SNED1: variants seen among roughly 807,000 people sequenced by gnomAD.
SNED1 encodes sushi, nidogen and EGF like domains 1, also known as sushi, nidogen and EGF-like domain-containing protein 1.
SNED1 carries 81 observed loss-of-function variants against 166.7 expected under a neutral mutation model. The ratio of observed to expected loss-of-function variants is 0.49; its 90% CI spans 0.41 to 0.58. The LOEUF is 0.58. Ranked by LOEUF, SNED1 falls within the 20% of genes least tolerant of loss-of-function variation. The probability of loss-of-function intolerance (pLI) is 0.00; values close to 1 mark genes in which losing one functional copy is unlikely to be tolerated. For synonymous variants in SNED1, 762 were observed against 822.0 expected, an observed-to-expected ratio of 0.93 and a Z score of 1.25; for missense variants, 1,604 against 2,000.2, an observed-to-expected ratio of 0.80 and a Z score of 3.78.
At chr2:241,088,846 G>A (rs759301581) in intron 31 of SNED1, 77 of 213,508 alleles carry the variant, frequency 3.6e-4, no homozygotes, top group Non-Finnish European at 6.6e-4. Context: ...GGCTGAGAGA[G>A]TGCCTCCCAG....
At chr2:241,090,038 A>G in intron 31 of SNED1, 1 of 1,545,364 alleles carries the variant, frequency 6.5e-7, no homozygotes, top group Non-Finnish European at 8.7e-7. Flanking sequence ...ACAATAATAA[A>G]TTAGTCCTGC....
chr2:241,024,652 C>CTTATTTTATTTTATT (rs371310534), intron 1 of SNED1, among the ~76,000 whole-genome samples: 14,385 of 139,522 alleles, frequency 0.1, 865 homozygotes, highest in South Asian at 0.13. Flanking sequence ...CTTATTTTAT[C>CTTATTTTATTTTATT]TTATTTTATT....
Position 240,999,024 on chromosome 2 carries a change from T to C in SNED1, c.187T>C (p.Phe63Leu), listed in dbSNP as rs1342277204. The C allele has an allele frequency of 1.1e-5, 15 of 1,322,996 alleles. No homozygotes were observed. The highest frequency in any genetic ancestry group is 1.5e-5 in the Non-Finnish European group (15 of 1,032,380). 82.0% of individuals were successfully genotyped at this position (1,322,996 alleles called of 1,614,324 possible). A position where few individuals can be genotyped will look rare whatever the true frequency, so the allele number is the denominator to read the frequency against. The stretch of plus-strand genomic sequence containing the variant: ...GCCGCTCTCGGTGCCCTTCCCGTTC[T>C]TCGGTGCCGAGCACTCCGGACTCTA... The part of the protein sequence containing the change: ...LRPLSVPFPF[F>L]GAEHSGLYVN... The change falls in exon 1 of 32, where the codon TTC becomes CTC. Residue 63 changes from phenylalanine to leucine, a missense_variant. Transcript: ENST00000310397. This position sits in a 1 kb window ranked among gnomAD's most constrained non-coding sequence, Gnocchi z 5.8.
chr2:241,004,766 A>G (rs1230767921), intron 1 of SNED1, among the ~76,000 whole-genome samples: 1 of 152,128 alleles, frequency 6.6e-6, no homozygotes, highest in African/African-American at 2.4e-5. Context: ...CTCTGTCGCC[A>G]GGTTGGAGTG....
At chr2:241,087,605 G>A in intron 30 of SNED1, 130 bp downstream of exon 30, 1 of 1,446,170 alleles carries the variant, frequency 6.9e-7, no homozygotes, top group Non-Finnish European at 9.1e-7. Context: ...CAGATAGGCA[G>A]CCCCTGGGCA....
intron 18 of SNED1, 90 bp downstream of exon 18, chr2:241,063,790 G>A: frequency 9.7e-7 from 1 of 1,034,616 alleles, no homozygotes; most frequent in Non-Finnish European, 1.4e-6. Context: ...TTCCCTGCTG[G>A]GCAGGCCACC....
intron 31 of SNED1, among the ~76,000 whole-genome samples, chr2:241,090,887 A>G (rs1000107414): frequency 5.9e-5 from 9 of 151,998 alleles, no homozygotes; most frequent in Non-Finnish European, 1.0e-4. Flanking sequence ...AAAAAAAAGA[A>G]AAAAGAATTC....
intron 24 of SNED1, among the ~76,000 whole-genome samples, 172 bp downstream of exon 24, chr2:241,070,373 A>T (rs1286566558): frequency 6.6e-6 from 1 of 152,248 alleles, no homozygotes; most frequent in Non-Finnish European, 1.5e-5. Flanking sequence ...TTTCAAACCC[A>T]CAAGGAAAGG....
intron 28 of SNED1, 74 bp downstream of exon 28, chr2:241,081,867 G>C (rs1184140575): frequency 8.5e-7 from 1 of 1,176,880 alleles, no homozygotes; most frequent in Non-Finnish European, 1.2e-6. Context: ...CTGGGCCACA[G>C]CTGGGTTTGC....
chr2:241,025,954 G>T (rs2060951121), intron 1 of SNED1, among the ~76,000 whole-genome samples: 2 of 141,354 alleles, frequency 1.4e-5, no homozygotes, highest in African/African-American at 2.6e-5. Flanking sequence ...TTGTCTCCTT[G>T]TCATTGATCT....
rs879808404 is a variant in SNED1 at position 241,052,521 on chromosome 2, G to A, written c.2083+53G>A. On this transcript the variant is annotated intron_variant, in intron 15 of 31. Transcript: ENST00000310397. ...GTACATGGGATACCAGTGCCAGGCA[G>A]GTGAGATGGCCAGGGCCCAAGCAGG... 8 of 1,391,246 alleles carry A rather than the reference G, an allele frequency of 5.8e-6. No homozygotes were observed. The South Asian group carries it at 8.3e-5, about 14-fold the overall frequency. The allele number at this position is 1,391,246 out of a possible 1,614,324, so 86.2% of individuals were successfully genotyped here. A position where few individuals can be genotyped will look rare whatever the true frequency, so the allele number is the denominator to read the frequency against.
At chr2:241,063,141 A>G (rs1422894124) in intron 17 of SNED1, among the ~76,000 whole-genome samples, 1 of 152,230 alleles carries the variant, frequency 6.6e-6, no homozygotes, top group Admixed American at 6.5e-5. Flanking sequence ...TTCAGGGCGC[A>G]GAGAAGGTGG....
Position 241,075,434 on chromosome 2 carries a change from T to A in SNED1, c.3916+2070T>A, listed in dbSNP as rs552876157. On this transcript the variant is annotated intron_variant, in intron 27 of 31. Coordinates refer to ENST00000310397, the MANE Select transcript of SNED1 (RefSeq NM_001080437.3). This position sits in a 1 kb window ranked among gnomAD's most constrained non-coding sequence, Gnocchi z 4.8. ...GCAGAACGGGTGGGATGCACACCCC[T>A]GGGATCTGGGTTTGCATCTCCTGGG... is the stretch of plus-strand genomic sequence containing the variant. 3.0e-4 allele frequency: 45 copies of A among 152,350 alleles called. No homozygotes were observed. Among genetic ancestry groups the A allele is most frequent in the African/African-American group, 1.0e-3 (43 of 41,582 alleles). The allele number at this position is 152,350 out of a possible 1,614,324, so 9.4% of individuals were successfully genotyped here.
At position 241,067,760 on chromosome 2, in the gene SNED1, C is replaced by A. The variant is rs2062523142; in HGVS notation, c.3011-4C>A. On this transcript the variant is annotated splice_polypyrimidine_tract_variant and splice_region_variant and intron_variant, in intron 21 of 31. Transcript: ENST00000310397. ...GCACCTGCTGAACAGTCCATTCCCC[C>A]TAGGACCCCGCCCTGTGGAAGGCTT... The A allele has an allele frequency of 1.9e-6, 3 of 1,602,096 alleles. No individual in the cohort carries two copies. Among genetic ancestry groups the A allele is most frequent in the Non-Finnish European group, 2.6e-6 (3 of 1,171,020 alleles).
intron 3 of SNED1, 25 bp from the exon 4 acceptor site, chr2:241,034,543 C>A (rs1465454381): frequency 2.0e-5 from 31 of 1,564,596 alleles, no homozygotes; most frequent in Non-Finnish European, 2.5e-5. Context: ...TGGCCTCCCT[C>A]ACTCTGCCCC....
At chr2:241,072,313 G>A (rs368313016) in intron 26 of SNED1, 24 of 428,600 alleles carry the variant, frequency 5.6e-5, no homozygotes, top group African/African-American at 2.2e-4. Flanking sequence ...AGATCTTCCC[G>A]GTGGCAGCAA....
In SNED1 at chr2:241,073,443, C is replaced by T. The variant is rs2062844574; in HGVS notation, c.3916+79C>T. On this transcript the variant is annotated intron_variant, in intron 27 of 31. Transcript: ENST00000310397. The surrounding 1 kb of genome is among the most constrained non-coding windows in gnomAD (Gnocchi z 6.6). ...CCTTAGAGGCTGCAGGCAGGAGGGACCACCCACGGTGAGGAATCAGGAGGC... is the reference window on the plus strand; with the variant it reads ...CCTTAGAGGCTGCAGGCAGGAGGGATCACCCACGGTGAGGAATCAGGAGGC... 2 of 1,183,498 alleles carry T rather than the reference C, an allele frequency of 1.7e-6. No homozygotes were observed. The highest frequency in any genetic ancestry group is 2.5e-6 in the Non-Finnish European group (2 of 812,204). 73.3% of individuals were successfully genotyped at this position (1,183,498 alleles called of 1,614,324 possible).
Position 241,068,860 on chromosome 2 carries a change from C to A in SNED1, c.3195-51C>A. 1 of 1,311,474 alleles carries A rather than the reference C, an allele frequency of 7.6e-7. No homozygotes were observed. The highest frequency in any genetic ancestry group is 1.1e-6 in the Non-Finnish European group (1 of 942,074). The allele number at this position is 1,311,474 out of a possible 1,614,324, so 81.2% of individuals were successfully genotyped here. A position where few individuals can be genotyped will look rare whatever the true frequency, so the allele number is the denominator to read the frequency against. On this transcript the variant is annotated intron_variant, in intron 22 of 31. Coordinates refer to ENST00000310397, the MANE Select transcript of SNED1 (RefSeq NM_001080437.3). This position sits in a 1 kb window ranked among gnomAD's most constrained non-coding sequence, Gnocchi z 5.3. Reference sequence around the variant, plus strand: ...GAGCTGCGGTCTGGCAGCAGAGTCACACACAGGTCCCAGACATCCCTGTTC... The same window carrying A: ...GAGCTGCGGTCTGGCAGCAGAGTCAAACACAGGTCCCAGACATCCCTGTTC...
At chr2:241,043,467 A>C (rs2061567941) in intron 8 of SNED1, among the ~76,000 whole-genome samples, 1 of 152,226 alleles carries the variant, frequency 6.6e-6, no homozygotes, top group Admixed American at 6.5e-5. Flanking sequence ...ACAAAAATGA[A>C]GAGCATTCAT....
Sources: gnomAD v4.1 joint callset for allele counts (sites outside exome capture counted in the v4.1 genomes callset) on GRCh38, gnomAD v4.1.1 for gene constraint, Gnocchi (gnomAD v3.1) non-coding constraint, MANE v1.5 for transcripts, NCBI Gene and HGNC (gene_info 2026-07-23, HGNC 2026-07-21) for gene names.